The following RASA3 variants were observed in gnomAD, a reference collection of about 807,000 sequenced individuals.
RASA3 encodes the protein RAS p21 protein activator 3.
In RASA3, 73 loss-of-function variants were observed where a neutral mutation model predicts 110.0. The observed-to-expected ratio is 0.66, with a 90% CI of 0.55 to 0.81. The LOEUF is 0.81. RASA3 is among the 30% of genes least tolerant of loss of function. The pLI is 0.00. For missense variants in RASA3, 976 were observed against 1,113.2 expected, an observed-to-expected ratio of 0.88 and a Z score of 1.75; for synonymous variants, 500 against 451.4, an observed-to-expected ratio of 1.11 and a Z score of -1.37.
In RASA3 at chr13:114,001,315, C is replaced by A. The variant is rs567538578; in HGVS notation, c.1743-383G>T. 3.3e-5 allele frequency among the ~76,000 whole-genome samples: 5 copies of A among 151,984 alleles called. 1 individual carries two copies. The highest frequency in any genetic ancestry group is 1.2e-4 in the African/African-American group (5 of 41,492). ...ACGCCCACACAACACGGAGGACCTG[C>A]GGCCGCGGACCTGGGATCAGGGTGG... On this transcript the variant is annotated intron_variant, in intron 18 of 23. Coordinates refer to ENST00000334062, the MANE Select transcript of RASA3 (RefSeq NM_007368.4).
intron 4 of RASA3, among the ~76,000 whole-genome samples, chr13:114,031,510 GTC>G (rs1212719664): frequency 4.8e-5 from 7 of 146,630 alleles, no homozygotes; most frequent in Admixed American, 1.4e-4. Flanking sequence ...GTGTCTGCCT[GTC>G]TGTGCGCGTG....
At chr13:113,979,911 CCTA>C (rs1367809141) in intron 23 of RASA3, among the ~76,000 whole-genome samples, 1 of 150,906 alleles carries the variant, frequency 6.6e-6, no homozygotes, top group Admixed American at 6.6e-5. Flanking sequence ...TGCACCTCCT[CCTA>C]CGTGCCTACC....
At position 114,015,218 on chromosome 13, in the gene RASA3, G is replaced by C; in HGVS notation, c.1396C>G (p.Arg466Gly). The stretch of plus-strand genomic sequence containing the variant: ...TGTTCAGGGCACTCACCCTGGAAGC[G>C]CTTGGCCGCCGCCTCCCGGAGGGAG... ...FFSLREAAAK[R>G]FQDDPDVRYT... The change falls in exon 14 of 24, where the codon CGC (arginine) becomes GGC (glycine). Residue 466 changes from arginine to glycine, a missense_variant. Arg to Gly is a moderately radical substitution (Grantham distance 125). Around this residue, in one of 4 missense-constraint regions of RASA3, gnomAD observed 732 missense variants for 779.7 expected, o/e 0.94. Transcript: ENST00000334062. 1.2e-6 allele frequency: 2 copies of C among 1,613,006 alleles called. No individual in the cohort carries two copies. Among genetic ancestry groups the C allele is most frequent in the Non-Finnish European group, 1.7e-6 (2 of 1,179,984 alleles).
At chr13:114,068,955 A>G (rs776903472) in intron 2 of RASA3, among the ~76,000 whole-genome samples, 6 of 152,244 alleles carry the variant, frequency 3.9e-5, no homozygotes, top group Non-Finnish European at 5.9e-5. Flanking sequence ...AAAAATACAG[A>G]AAAAAGGGAA....
intron 23 of RASA3, among the ~76,000 whole-genome samples, chr13:113,981,201 C>G (rs955860658): frequency 6.6e-6 from 1 of 152,228 alleles, no homozygotes; most frequent in African/African-American, 2.4e-5. Flanking sequence ...GCCACCTAGC[C>G]TGCAGCTGGT....
At position 114,017,300 on chromosome 13, in the gene RASA3, G is replaced by A. The variant is rs753797904; in HGVS notation, c.1143C>T (p.Asp381=). The A allele has an allele frequency of 6.8e-6, 11 of 1,613,882 alleles. No individual in the cohort carries two copies. Among genetic ancestry groups the A allele is most frequent in the East Asian group, 6.7e-5 (3 of 44,892 alleles). The change falls in exon 12 of 24, where the codon GAC becomes GAT. Residue 381 remains aspartate, a synonymous_variant. Transcript: ENST00000334062. The stretch of plus-strand genomic sequence containing the variant: ...GCATCCCCGCCAGCTTCATGGTCTC[G>A]TCGATGCACTTGGACGCCAGTGAGT... The part of the protein sequence containing the change: ...RGNSLASKCI[D]ETMKLAGMHY...
At chr13:114,070,208 G>GA (rs1211024985) in intron 2 of RASA3, among the ~76,000 whole-genome samples, 1 of 129,534 alleles carries the variant, frequency 7.7e-6, no homozygotes, top group African/African-American at 2.9e-5. Flanking sequence ...GAGACTGGGG[G>GA]GTGGGAGACT....
At chr13:114,021,293 G>A (rs759262114) in intron 9 of RASA3, 111 bp downstream of exon 9, 4 of 903,156 alleles carry the variant, frequency 4.4e-6, no homozygotes, top group African/African-American at 1.6e-5. Context: ...GTGGGTGCTG[G>A]GCACAGCCGA....
chr13:114,040,599 G>A lies in RASA3; in HGVS notation c.372+401C>T, dbSNP rs76572272. ...ACCCAAAATCCATGGCGGAGCCCGC[G>A]CTCACTCCGAGCACAAGCGGGCGAA... On this transcript the variant is annotated intron_variant, in intron 4 of 23. Coordinates refer to ENST00000334062, the MANE Select transcript of RASA3 (RefSeq NM_007368.4). Among the ~76,000 whole-genome samples the A allele has an allele frequency of 8.5e-4, 105 of 123,828 alleles. 3 individuals are homozygous for A. The highest frequency in any genetic ancestry group is 5.4e-3 in the Middle Eastern group (1 of 186). 81.2% of individuals were successfully genotyped at this position (123,828 alleles called of 152,430 possible).
chr13:114,056,487 G>A lies in RASA3; in HGVS notation c.174-4332C>T, dbSNP rs568863858. Reference sequence around the variant, plus strand: ...GCTTGGGCAGCAGGGCTGAGAGTGCGGCGTCCCTGGGCGCTGCCCGGTAGC... The same window carrying A: ...GCTTGGGCAGCAGGGCTGAGAGTGCAGCGTCCCTGGGCGCTGCCCGGTAGC... On this transcript the variant is annotated intron_variant, in intron 2 of 23. Coordinates refer to ENST00000334062, the MANE Select transcript of RASA3 (RefSeq NM_007368.4). This position sits in a 1 kb window ranked among gnomAD's most constrained non-coding sequence, Gnocchi z 5.7. 5.1e-6 allele frequency: 5 copies of A among 985,330 alleles called. No homozygotes were observed. The highest frequency in any genetic ancestry group is 6.1e-5 in the Admixed American group (1 of 16,280). The allele number at this position is 985,330 out of a possible 1,614,324, so 61.0% of individuals were successfully genotyped here.
At position 114,115,151 on chromosome 13, in the gene RASA3, G is replaced by T. The variant is rs1205864675; in HGVS notation, c.55+17284C>A. ...AAGGCACAGGGCCAGGTCTGGCCGT[G>T]TAAAAATACTTGGAACCCATGGGGG... On this transcript the variant is annotated intron_variant, in intron 1 of 23. Transcript: ENST00000334062. This position sits in a 1 kb window ranked among gnomAD's most constrained non-coding sequence, Gnocchi z 5.0. 6.6e-6 allele frequency among the ~76,000 whole-genome samples: 1 copy of T among 152,234 alleles called. No homozygotes were observed. The highest frequency in any genetic ancestry group is 1.5e-5 in the Non-Finnish European group (1 of 68,040).
In RASA3 at chr13:114,057,666, G is replaced by C. The variant is rs978387096; in HGVS notation, c.174-5511C>G. On this transcript the variant is annotated intron_variant, in intron 2 of 23. Coordinates refer to ENST00000334062, the MANE Select transcript of RASA3 (RefSeq NM_007368.4). The surrounding 1 kb of genome is among the most constrained non-coding windows in gnomAD (Gnocchi z 5.0). Reference sequence around the variant, plus strand: ...GGGAGCCCTGAAGAAACTCCTGGAAGAATGTAAAACCCCCAGCTCAAGGAG... The same window carrying C: ...GGGAGCCCTGAAGAAACTCCTGGAACAATGTAAAACCCCCAGCTCAAGGAG... Among the ~76,000 whole-genome samples, 2 of 152,194 alleles carry C rather than the reference G, an allele frequency of 1.3e-5. No individual in the cohort carries two copies. The highest frequency in any genetic ancestry group is 2.4e-5 in the African/African-American group (1 of 41,456).
At position 114,048,671 on chromosome 13, in the gene RASA3, G is replaced by GCGCC. The variant is rs2139532170; in HGVS notation, c.277+3377_277+3380dup. 6.6e-6 allele frequency among the ~76,000 whole-genome samples: 1 copy of GCGCC among 152,366 alleles called. No individual in the cohort carries two copies. Among genetic ancestry groups the GCGCC allele is most frequent in the East Asian group, 1.9e-4 (1 of 5,188 alleles). On this transcript the variant is annotated intron_variant, in intron 3 of 23. Transcript: ENST00000334062. The surrounding 1 kb of genome is among the most constrained non-coding windows in gnomAD (Gnocchi z 4.3). ...TGCGCCTGGAATCCCGAAGGAGCCT[G>GCGCC]CGCCCCGTGTGTCCCGCAGGTCACG...
At chr13:114,076,787 C>T (rs1938978004) in intron 1 of RASA3, among the ~76,000 whole-genome samples, 2 of 152,136 alleles carry the variant, frequency 1.3e-5, no homozygotes, top group African/African-American at 4.8e-5. Flanking sequence ...ACAGGGGCCC[C>T]TCCAGCCTCC....
In RASA3 at chr13:114,108,837, A is replaced by G. The variant is rs545077991; in HGVS notation, c.55+23598T>C. 6 of 152,394 alleles carry G rather than the reference A, an allele frequency of 3.9e-5. No individual in the cohort carries two copies. In the East Asian group the frequency reaches 1.2e-3, roughly 29 times the overall value. 9.4% of individuals were successfully genotyped at this position (152,394 alleles called of 1,614,324 possible). ...ACGTGGCTCCTCTGAATCAGTCACA[A>G]GGAAGATCCAACTTAACACAGAGAG... On this transcript the variant is annotated intron_variant, in intron 1 of 23. Transcript: ENST00000334062.
intron 1 of RASA3, among the ~76,000 whole-genome samples, chr13:114,080,015 G>C (rs1002356990): frequency 2.0e-5 from 3 of 152,238 alleles, no homozygotes; most frequent in Non-Finnish European, 4.4e-5. Flanking sequence ...CGAAGGGCCT[G>C]CGAAGCTGCC....
At chr13:114,025,120 C>T (rs760877524) in intron 7 of RASA3, among the ~76,000 whole-genome samples, 3 of 152,264 alleles carry the variant, frequency 2.0e-5, no homozygotes, top group Non-Finnish European at 2.9e-5. Context: ...CCCGGCCTCC[C>T]TCCCTGCCCC....
chr13:114,125,820 C>T (rs2080439310), intron 1 of RASA3, among the ~76,000 whole-genome samples: 1 of 152,134 alleles, frequency 6.6e-6, no homozygotes, highest in Non-Finnish European at 1.5e-5. Context: ...ACGAGACGCG[C>T]TCAGTGAGCT....
At chr13:114,105,714 C>A (rs1196321626) in intron 1 of RASA3, among the ~76,000 whole-genome samples, 1 of 152,250 alleles carries the variant, frequency 6.6e-6, no homozygotes, top group Non-Finnish European at 1.5e-5. Context: ...AGAAACCAGG[C>A]CAGGCTCTGA....
Sources: gnomAD v4.1 joint callset for allele counts (sites outside exome capture counted in the v4.1 genomes callset) on GRCh38, gnomAD v4.1.1 for gene constraint, gnomAD v4.1.1 regional missense constraint, Gnocchi (gnomAD v3.1) non-coding constraint, MANE v1.5 for transcripts, NCBI Gene and HGNC (gene_info 2026-07-23, HGNC 2026-07-21) for gene names.